ABI1: variants seen among roughly 807,000 people sequenced by gnomAD.
ABI1 encodes Abelson interactor 1.
A neutral mutation model predicts 54.6 loss-of-function variants in ABI1; 14 were observed. That is an observed-to-expected ratio of 0.26 (90% CI 0.17 to 0.40). The LOEUF is 0.40. ABI1 is among the 10% of genes least tolerant of loss of function. The pLI, the probability that ABI1 is intolerant of heterozygous loss-of-function variation, is 1.00. For missense variants in ABI1, 443 were observed against 598.3 expected, an observed-to-expected ratio of 0.74 and a Z score of 2.71; for synonymous variants, 194 against 209.3, an observed-to-expected ratio of 0.93 and a Z score of 0.63.
intron 1 of ABI1, among the ~76,000 whole-genome samples, chr10:26,847,668 G>A (rs938942981): frequency 5.9e-5 from 9 of 151,634 alleles, no homozygotes. Flanking sequence ...TTTAAGGGAA[G>A]ATGGAACTGA....
chr10:26,784,915 G>C (rs79406493), intron 2 of ABI1, among the ~76,000 whole-genome samples: 1 of 152,278 alleles, frequency 6.6e-6, no homozygotes, highest in Non-Finnish European at 1.5e-5. Flanking sequence ...CTAGATTAAT[G>C]CCTTGGGCCA....
At chr10:26,807,672 G>C (rs2046961558) in intron 2 of ABI1, among the ~76,000 whole-genome samples, 1 of 152,160 alleles carries the variant, frequency 6.6e-6, no homozygotes, top group African/African-American at 2.4e-5. Flanking sequence ...TTTCCCTTCA[G>C]GTCTCTCTTT....
chr10:26,846,307 T>C (rs574150582), intron 1 of ABI1, among the ~76,000 whole-genome samples: 2 of 151,860 alleles, frequency 1.3e-5, no homozygotes, highest in South Asian at 2.1e-4. Context: ...GTAAAAATTA[T>C]ATCATCCCAT....
intron 2 of ABI1, among the ~76,000 whole-genome samples, chr10:26,792,283 T>C (rs967673602): frequency 2.6e-5 from 4 of 152,230 alleles, no homozygotes; most frequent in African/African-American, 9.6e-5. Context: ...GTAATTTTTG[T>C]CTTTAATTAC....
chr10:26,858,246 C>T (rs948400313), intron 1 of ABI1, among the ~76,000 whole-genome samples: 9 of 152,058 alleles, frequency 5.9e-5, no homozygotes, highest in African/African-American at 1.9e-4. Flanking sequence ...AAGACCTCAA[C>T]AGACACCCTA....
At chr10:26,766,898 G>A (rs997599463) in intron 6 of ABI1, among the ~76,000 whole-genome samples, 1 of 152,136 alleles carries the variant, frequency 6.6e-6, no homozygotes, top group African/African-American at 2.4e-5. Context: ...AAGTTTTACT[G>A]GAACACAGCC....
chr10:26,791,260 C>T lies in ABI1; in HGVS notation c.286-14019G>A, dbSNP rs183035107. 2.0e-5 allele frequency among the ~76,000 whole-genome samples: 3 copies of T among 152,036 alleles called. No homozygotes were observed. The East Asian group carries it at 5.8e-4, about 29-fold the overall frequency. Reference sequence around the variant, plus strand: ...AACACCCTGAATAAAACCCTAAAAGCTCTCTCCCCTATCCAATTATATTTT... The same window carrying T: ...AACACCCTGAATAAAACCCTAAAAGTTCTCTCCCCTATCCAATTATATTTT... On this transcript the variant is annotated intron_variant, in intron 2 of 10. Transcript: ENST00000376140.
chr10:26,824,793 T>C (rs1231847637), intron 1 of ABI1, among the ~76,000 whole-genome samples: 2 of 152,090 alleles, frequency 1.3e-5, no homozygotes, highest in African/African-American at 4.8e-5. Context: ...CTTAAGCATA[T>C]CTTGTTTCAC....
At chr10:26,833,769 TAC>T (rs61653104) in intron 1 of ABI1, among the ~76,000 whole-genome samples, 4,183 of 150,282 alleles carry the variant, frequency 0.028, 55 homozygotes, top group African/African-American at 0.031. Context: ...ACAATATTTA[TAC>T]ACACACACAC....
At chr10:26,772,243 T>C (rs116597459) in intron 3 of ABI1, among the ~76,000 whole-genome samples, 4 of 152,138 alleles carry the variant, frequency 2.6e-5, no homozygotes, top group South Asian at 2.1e-4. Context: ...AGAATAAATT[T>C]TGAGTATAAC....
intron 2 of ABI1, among the ~76,000 whole-genome samples, chr10:26,785,185 G>A (rs970417062): frequency 1.3e-5 from 2 of 152,174 alleles, no homozygotes; most frequent in South Asian, 2.1e-4. Flanking sequence ...GCATAATCAT[G>A]GGAAAGAAAT....
intron 1 of ABI1, among the ~76,000 whole-genome samples, chr10:26,843,466 AAAAAAAAAAAAAAAAAAAAATATATATAT>A (rs1463374209): frequency 5.8e-4 from 47 of 81,182 alleles, no homozygotes; most frequent in East Asian, 3.1e-3. Context: ...AAAAAAAAAA[AAAAAAAAAAAAAAAAAAAAATATATATAT>A]ATATATATAT....
At position 26,778,970 on chromosome 10, in the gene ABI1, T is replaced by G. The variant is rs189463899; in HGVS notation, c.286-1729A>C. ...AACTGGGGCTGTTTTCTAGCACAAATGCCGACACTCTGGCTACTACTATTG... is the reference window on the plus strand; with the variant it reads ...AACTGGGGCTGTTTTCTAGCACAAAGGCCGACACTCTGGCTACTACTATTG... On this transcript the variant is annotated intron_variant, in intron 2 of 10. Coordinates refer to ENST00000376140, the MANE Select transcript of ABI1 (RefSeq NM_001012750.3). Among the ~76,000 whole-genome samples the G allele has an allele frequency of 1.7e-3, 256 of 152,282 alleles. 1 individual carries two copies. Among genetic ancestry groups the G allele is most frequent in the African/African-American group, 5.9e-3 (245 of 41,560 alleles).
chr10:26,773,464 T>C (rs117156395), intron 3 of ABI1, among the ~76,000 whole-genome samples: 9,261 of 151,756 alleles, frequency 0.061, 416 homozygotes, highest in East Asian at 0.19. Context: ...CCTACCAAAG[T>C]GCCAAGATTA....
chr10:26,828,981 C>G (rs1039680549), intron 1 of ABI1, among the ~76,000 whole-genome samples: 1 of 151,752 alleles, frequency 6.6e-6, no homozygotes. Context: ...AATCCCAGCA[C>G]TTTGGGAGGC....
In ABI1 at chr10:26,759,231, C is replaced by T. The variant is rs763169008; in HGVS notation, c.828G>A (p.Pro276=). The T allele has an allele frequency of 6.2e-6, 10 of 1,613,372 alleles. No individual in the cohort carries two copies. The highest frequency in any genetic ancestry group is 3.3e-5 in the Admixed American group (2 of 59,870). The change falls in exon 8 of 11, where the codon CCG becomes CCA. Residue 276 remains proline (P), a synonymous_variant. Coordinates refer to ENST00000376140, the MANE Select transcript of ABI1 (RefSeq NM_001012750.3). The part of the protein sequence containing the change: ...PSPPTIGPAA[P]GSAPGSQYGT... ...CATACTGGGAACCAGGAGCTGAGCC[C>T]GGGGCTGCTGAAAAGCATTAGTCAA...
chr10:26,797,411 A>G (rs1844326973), intron 2 of ABI1, among the ~76,000 whole-genome samples: 1 of 152,206 alleles, frequency 6.6e-6, no homozygotes, highest in African/African-American at 2.4e-5. Context: ...ATAGGAAGGG[A>G]TTGCACTGAA....
At chr10:26,787,790 T>G (rs1180810130) in intron 2 of ABI1, among the ~76,000 whole-genome samples, 1 of 150,466 alleles carries the variant, frequency 6.6e-6, no homozygotes, top group Non-Finnish European at 1.5e-5. Flanking sequence ...AGAGTCAAAA[T>G]CAGAGTAACC....
chr10:26,775,528 T>A (rs1408906462), intron 3 of ABI1, among the ~76,000 whole-genome samples: 2 of 151,978 alleles, frequency 1.3e-5, no homozygotes, highest in African/African-American at 4.8e-5. Flanking sequence ...AATGTATCCA[T>A]ATTATGGCTA....
Sources: gnomAD v4.1 joint callset for allele counts (sites outside exome capture counted in the v4.1 genomes callset) on GRCh38, gnomAD v4.1.1 for gene constraint, MANE v1.5 for transcripts, NCBI Gene and HGNC (gene_info 2026-07-23, HGNC 2026-07-21) for gene names.